DOK1: variants seen among roughly 807,000 people sequenced by gnomAD.
DOK1 encodes the protein docking protein 1.
DOK1 carries 12 observed loss-of-function variants against 24.0 expected under a neutral mutation model. The observed-to-expected ratio is 0.50, with a 90% confidence interval of 0.32 to 0.81. The LOEUF is 0.81. DOK1 is among the 30% of genes least tolerant of loss of function. The probability of loss-of-function intolerance (pLI) is 0.03; values close to 1 mark genes in which losing one functional copy is unlikely to be tolerated. For missense variants in DOK1, 591 were observed against 620.7 expected, an observed-to-expected ratio of 0.95 and a Z score of 0.51; for synonymous variants, 250 against 260.9, an observed-to-expected ratio of 0.96 and a Z score of 0.40.
At position 74,557,202 on chromosome 2, in the gene DOK1, A is replaced by G; in HGVS notation, c.*88A>G. 5 of 1,357,468 alleles carry G rather than the reference A, an allele frequency of 3.7e-6. No homozygotes were observed. Among genetic ancestry groups the G allele is most frequent in the Non-Finnish European group, 5.0e-6 (5 of 999,626 alleles). The allele number at this position is 1,357,468 out of a possible 1,614,324, so 84.1% of individuals were successfully genotyped here. A position where few individuals can be genotyped will look rare whatever the true frequency, so the allele number is the denominator to read the frequency against. On this transcript the variant is annotated 3_prime_UTR_variant, in exon 5 of 5. Transcript: ENST00000233668. ...AAGATGGTTAGAACCAGCAGAAGCCAGAGGGTGGGAGGGGCCATGCTGTGT... is the reference window on the plus strand; with the variant it reads ...AAGATGGTTAGAACCAGCAGAAGCCGGAGGGTGGGAGGGGCCATGCTGTGT...
chr2:74,550,413 G>A, upstream of DOK1: 1 of 1,538,222 alleles, frequency 6.5e-7, no homozygotes, highest in Non-Finnish European at 8.9e-7. Flanking sequence ...TAATGGGGAT[G>A]TAGGGAAGAG....
In DOK1 at chr2:74,555,248, G is replaced by T. The variant is rs759486692; in HGVS notation, c.155G>T (p.Gly52Val). 51 of 1,613,832 alleles carry T rather than the reference G, an allele frequency of 3.2e-5. No homozygotes were observed. Among genetic ancestry groups the T allele is most frequent in the Non-Finnish European group, 3.4e-5 (40 of 1,180,040 alleles). ...GACCATAAGGGGTCGAGCTCTGGGG[G>T]TGGCCGAGGGAGCTCGCGCCGCCTG... ...FFDHKGSSSGGGRGSSRRLDC... is the reference protein window; with the variant it reads ...FFDHKGSSSGVGRGSSRRLDC... Residue 52 changes from glycine (G) to valine (V), a missense_variant, in exon 2 of 5, where the codon GGT becomes GTT. Transcript: ENST00000233668. This position sits in a 1 kb window ranked among gnomAD's most constrained non-coding sequence, Gnocchi z 6.1.
Position 74,555,377 on chromosome 2 carries a change from A to G in DOK1, c.284A>G (p.Gln95Arg). 1.9e-6 allele frequency: 3 copies of G among 1,613,300 alleles called. No homozygotes were observed. Among genetic ancestry groups the G allele is most frequent in the Non-Finnish European group, 2.5e-6 (3 of 1,179,864 alleles). ...ACTGCCTTCCGCCTGGACACTGCTC[A>G]GCGCTCGCACCTGCTGGCGGCCGAC... ...GATAFRLDTA[Q>R]RSHLLAADAP... The change falls in exon 2 of 5, where the codon CAG (glutamine) becomes CGG (arginine). Residue 95 changes from glutamine to arginine, a missense_variant. By Grantham distance (43) the Gln-to-Arg change is conservative. Transcript: ENST00000233668. This position sits in a 1 kb window ranked among gnomAD's most constrained non-coding sequence, Gnocchi z 6.1.
chr2:74,552,041 A>T (rs938210446), upstream of DOK1, among the ~76,000 whole-genome samples: 3 of 152,192 alleles, frequency 2.0e-5, no homozygotes, highest in Admixed American at 6.5e-5. Flanking sequence ...TGTTTTGTGG[A>T]TGGCTTTGTA....
At chr2:74,554,663 A>G (rs907684020), upstream of DOK1, 2 of 1,274,472 alleles carry the variant, frequency 1.6e-6, no homozygotes. This position sits in a 1 kb window ranked among gnomAD's most constrained non-coding sequence, Gnocchi z 4.9. Flanking sequence ...GGGGCCGGGG[A>G]GGGGCGGAAA....
Position 74,549,425 on chromosome 2 carries a change from C to G in DOK1, c.-358+253C>G. 6.2e-7 allele frequency: 1 copy of G among 1,613,158 alleles called. No individual in the cohort carries two copies. The highest frequency in any genetic ancestry group is 1.3e-5 in the African/African-American group (1 of 75,056). On this transcript the variant is annotated intron_variant, in intron 1 of 4. Transcript: ENST00000409429. The surrounding 1 kb of genome is among the most constrained non-coding windows in gnomAD (Gnocchi z 5.3). ...TGGGGAAGCCCAGCATCCCGCAGAC[C>G]ACGTGGCTGTTGTGGGCGCTCCAGC...
rs1049530542 is a variant in DOK1 at position 74,556,161 on chromosome 2, C to T, written c.639+83C>T. 1.3e-6 allele frequency: 2 copies of T among 1,530,676 alleles called. No individual in the cohort carries two copies. The highest frequency in any genetic ancestry group is 1.3e-5 in the South Asian group (1 of 78,100). 94.8% of individuals were successfully genotyped at this position (1,530,676 alleles called of 1,614,324 possible). A position where few individuals can be genotyped will look rare whatever the true frequency, so the allele number is the denominator to read the frequency against. On this transcript the variant is annotated intron_variant, in intron 4 of 4. Transcript: ENST00000233668. The surrounding 1 kb of genome is among the most constrained non-coding windows in gnomAD (Gnocchi z 4.1). ...AGGACAGAAAGTGGGAAGCTCTGAC[C>T]TTTGGATCCCCCTTTCTTGCCTACC...
At chr2:74,554,648 C>T (rs749641891), upstream of DOK1, 9 of 1,123,076 alleles carry the variant, frequency 8.0e-6, no homozygotes, top group Admixed American at 2.5e-5. This position sits in a 1 kb window ranked among gnomAD's most constrained non-coding sequence, Gnocchi z 4.9. Context: ...CAGCGGCTGC[C>T]GGCGGGGGCC....
rs771222739 is a variant in DOK1 at position 74,554,801 on chromosome 2, G to A, written c.47G>A (p.Arg16His). The A allele has an allele frequency of 1.2e-5, 20 of 1,614,030 alleles. No individual in the cohort carries two copies. In the South Asian group the frequency reaches 2.2e-4, roughly 18 times the overall value. Residue 16 changes from arginine (R) to histidine (H), a missense_variant, in exon 1 of 5, where the codon CGC (arginine) becomes CAC (histidine). By Grantham distance (29) the Arg-to-His change is conservative (BLOSUM62 0). Coordinates refer to ENST00000233668, the MANE Select transcript of DOK1 (RefSeq NM_001381.5). This position sits in a 1 kb window ranked among gnomAD's most constrained non-coding sequence, Gnocchi z 4.9. ...GGGCCGCTTTTTTTGCAGAGTCAGC[G>A]CTTTGGGACCAAGGTAGTCTGGCGC... ...MEGPLFLQSQ[R>H]FGTKRWRKTW...
Position 74,556,248 on chromosome 2 carries a change from C to CGT in DOK1, c.640-56_640-55dup. The CGT allele has an allele frequency of 3.2e-6, 5 of 1,572,850 alleles. No individual in the cohort carries two copies. The highest frequency in any genetic ancestry group is 4.3e-6 in the Non-Finnish European group (5 of 1,157,056). Reference sequence around the variant, plus strand: ...TTGTAGATACCCTAACTAGTGCAGGCGTGTGACTCACTTCCTCTGATGGCT... The same window carrying CGT: ...TTGTAGATACCCTAACTAGTGCAGGCGTGTGTGACTCACTTCCTCTGATGGCT... On this transcript the variant is annotated intron_variant, in intron 4 of 4. Coordinates refer to ENST00000233668, the MANE Select transcript of DOK1 (RefSeq NM_001381.5). The surrounding 1 kb of genome is among the most constrained non-coding windows in gnomAD (Gnocchi z 4.1).
At position 74,555,134 on chromosome 2, in the gene DOK1, C is replaced by T. The variant is rs1223113772; in HGVS notation, c.61-20C>T. On this transcript the variant is annotated intron_variant, in intron 1 of 4. Transcript: ENST00000233668. This position sits in a 1 kb window ranked among gnomAD's most constrained non-coding sequence, Gnocchi z 6.1. Reference sequence around the variant, plus strand: ...CCTGCGCACGCCACTCCCTCTCGAGCACTCTCTCTCTCTCCCTAGAGGTGG... The same window carrying T: ...CCTGCGCACGCCACTCCCTCTCGAGTACTCTCTCTCTCTCCCTAGAGGTGG... The T allele has an allele frequency of 6.3e-7, 1 of 1,596,422 alleles. No individual in the cohort carries two copies. Among genetic ancestry groups the T allele is most frequent in the Admixed American group, 1.7e-5 (1 of 58,966 alleles).
chr2:74,549,520 G>A lies in DOK1; in HGVS notation c.-358+348G>A. On this transcript the variant is annotated intron_variant, in intron 1 of 4. Coordinates refer to the DOK1 transcript ENST00000409429. This position sits in a 1 kb window ranked among gnomAD's most constrained non-coding sequence, Gnocchi z 5.3. ...ACCAGCCCCTCCGTCACGGGCAGGG[G>A]TCGTCTGCCCCACCCAACGGCGGGT... The A allele has an allele frequency of 6.2e-7, 1 of 1,613,572 alleles. No homozygotes were observed. Among genetic ancestry groups the A allele is most frequent in the Non-Finnish European group, 8.5e-7 (1 of 1,179,746 alleles).
At chr2:74,554,505 G>A (rs1677252824), upstream of DOK1, 2 of 562,760 alleles carry the variant, frequency 3.6e-6, no homozygotes, top group South Asian at 2.1e-5. The surrounding 1 kb of genome is among the most constrained non-coding windows in gnomAD (Gnocchi z 4.9). Flanking sequence ...CGCCAAAACC[G>A]AGGACTTTCG....
At chr2:74,550,874 T>C (rs1054416534), upstream of DOK1, among the ~76,000 whole-genome samples, 2 of 152,136 alleles carry the variant, frequency 1.3e-5, no homozygotes. Context: ...GCATTCTCTC[T>C]TGTGCCCGCC....
chr2:74,554,846 C>T lies in DOK1; in HGVS notation c.60+32C>T. On this transcript the variant is annotated intron_variant, in intron 1 of 4. Transcript: ENST00000233668. The surrounding 1 kb of genome is among the most constrained non-coding windows in gnomAD (Gnocchi z 4.9). Reference sequence around the variant, plus strand: ...TGGCGCATGGATGCCGAACCTTATCCGGGCTAGTAGTGGGTGAGAGAGCCC... The same window carrying T: ...TGGCGCATGGATGCCGAACCTTATCTGGGCTAGTAGTGGGTGAGAGAGCCC... The T allele has an allele frequency of 1.9e-6, 3 of 1,612,714 alleles. No individual in the cohort carries two copies. The highest frequency in any genetic ancestry group is 2.5e-6 in the Non-Finnish European group (3 of 1,179,398).
Position 74,549,276 on chromosome 2 carries a change from C to A in DOK1, c.-358+104C>A. 3.7e-6 allele frequency: 5 copies of A among 1,369,342 alleles called. No individual in the cohort carries two copies. Among genetic ancestry groups the A allele is most frequent in the South Asian group, 3.2e-5 (2 of 61,834 alleles). The allele number at this position is 1,369,342 out of a possible 1,614,324, so 84.8% of individuals were successfully genotyped here. ...GCGCGTCCCGACCCCCGGGTCCTCCCGTGCCCCGGACCTGCTCAGATGTCT... is the reference window on the plus strand; with the variant it reads ...GCGCGTCCCGACCCCCGGGTCCTCCAGTGCCCCGGACCTGCTCAGATGTCT... On this transcript the variant is annotated intron_variant, in intron 1 of 4. Transcript: ENST00000409429. The surrounding 1 kb of genome is among the most constrained non-coding windows in gnomAD (Gnocchi z 5.3).
At position 74,554,792 on chromosome 2, in the gene DOK1, A is replaced by G. The variant is rs772278891; in HGVS notation, c.38A>G (p.Gln13Arg). The change falls in exon 1 of 5, where the codon CAG becomes CGG. Residue 13 changes from glutamine (Q) to arginine (R), a missense_variant. Coordinates refer to ENST00000233668, the MANE Select transcript of DOK1 (RefSeq NM_001381.5). This position sits in a 1 kb window ranked among gnomAD's most constrained non-coding sequence, Gnocchi z 4.9. ...GTGATGGAAGGGCCGCTTTTTTTGCAGAGTCAGCGCTTTGGGACCAAGGTA... is the reference window on the plus strand; with the variant it reads ...GTGATGGAAGGGCCGCTTTTTTTGCGGAGTCAGCGCTTTGGGACCAAGGTA... ...GAVMEGPLFL[Q>R]SQRFGTKRWR... 1.2e-6 allele frequency: 2 copies of G among 1,613,740 alleles called. No individual in the cohort carries two copies. Among genetic ancestry groups the G allele is most frequent in the Admixed American group, 3.3e-5 (2 of 60,014 alleles).
chr2:74,555,130 C>G lies in DOK1; in HGVS notation c.61-24C>G, dbSNP rs762574239. 1.3e-5 allele frequency: 20 copies of G among 1,595,472 alleles called. No homozygotes were observed. The highest frequency in any genetic ancestry group is 1.3e-5 in the African/African-American group (1 of 74,648). On this transcript the variant is annotated intron_variant, in intron 1 of 4. Transcript: ENST00000233668. The surrounding 1 kb of genome is among the most constrained non-coding windows in gnomAD (Gnocchi z 6.1). The stretch of plus-strand genomic sequence containing the variant: ...GCCGCCTGCGCACGCCACTCCCTCT[C>G]GAGCACTCTCTCTCTCTCCCTAGAG...
chr2:74,550,457 T>G, upstream of DOK1: 59 of 1,142,600 alleles, frequency 5.2e-5, no homozygotes, highest in Non-Finnish European at 7.2e-5. Flanking sequence ...GCCATGATGA[T>G]CCCATCTTTC....
Sources: allele counts gnomAD v4.1 joint callset (sites outside exome capture counted in the v4.1 genomes callset), GRCh38; gene constraint gnomAD v4.1.1; non-coding constraint Gnocchi (gnomAD v3.1); transcripts MANE v1.5; gene names NCBI Gene and HGNC (gene_info 2026-07-23, HGNC 2026-07-21).